Variants in HCRTR2 observed in about 807,000 individuals in gnomAD.
HCRTR2 encodes the protein hypocretin receptor 2, also known as orexin receptor type 2.
A neutral mutation model predicts 49.0 loss-of-function variants in HCRTR2; 22 were observed. The ratio of observed to expected loss-of-function variants is 0.45; its 90% CI spans 0.32 to 0.64. The LOEUF (loss-of-function observed/expected upper bound fraction) is 0.64, where lower values mean the gene tolerates loss of function less well. Ranked by LOEUF, HCRTR2 falls within the 30% of genes least tolerant of loss-of-function variation. The pLI, the probability that HCRTR2 is intolerant of heterozygous loss-of-function variation, is 0.04. For missense variants in HCRTR2, 491 were observed against 559.4 expected, an observed-to-expected ratio of 0.88 and a Z score of 1.23; for synonymous variants, 236 against 205.3, an observed-to-expected ratio of 1.15 and a Z score of -1.28.
chr6:55,128,065 T>C (rs1411381061), intron 1 of HCRTR2, among the ~76,000 whole-genome samples: 1 of 152,240 alleles, frequency 6.6e-6, no homozygotes, highest in Non-Finnish European at 1.5e-5. Flanking sequence ...GTTTTACATT[T>C]AAGTCTTTAA....
At chr6:55,196,052 A>G (rs1562003285) in intron 1 of HCRTR2, among the ~76,000 whole-genome samples, 1 of 152,362 alleles carries the variant, frequency 6.6e-6, no homozygotes, top group South Asian at 2.1e-4. Flanking sequence ...AAAATAAAAT[A>G]AAATATCAGT....
At chr6:55,245,925 G>A (rs1766434239) in intron 1 of HCRTR2, among the ~76,000 whole-genome samples, 1 of 151,964 alleles carries the variant, frequency 6.6e-6, no homozygotes. Context: ...CATTGCAGAT[G>A]TAATTTGATA....
intron 1 of HCRTR2, among the ~76,000 whole-genome samples, chr6:55,119,283 G>GTCCTT (rs1764162552): frequency 2.0e-5 from 3 of 147,746 alleles, no homozygotes; most frequent in Non-Finnish European, 4.6e-5. Flanking sequence ...AACAATTTAT[G>GTCCTT]TGGGTATATA....
At chr6:55,124,717 G>C (rs576389481) in intron 1 of HCRTR2, among the ~76,000 whole-genome samples, 1 of 152,108 alleles carries the variant, frequency 6.6e-6, no homozygotes, top group East Asian at 1.9e-4. Flanking sequence ...GGGTGTTAAA[G>C]TCTCCCACTA....
At chr6:55,231,576 A>T (rs1766115662) in intron 1 of HCRTR2, among the ~76,000 whole-genome samples, 1 of 152,118 alleles carries the variant, frequency 6.6e-6, no homozygotes, top group African/African-American at 2.4e-5. Context: ...TGCCTTTCCA[A>T]ATTAGAAGAG....
chr6:55,234,494 C>T (rs930576681), intron 1 of HCRTR2, among the ~76,000 whole-genome samples: 14 of 152,050 alleles, frequency 9.2e-5, no homozygotes, highest in Non-Finnish European at 1.8e-4. Context: ...AGATTTAAAT[C>T]AAGTTTATTA....
chr6:55,251,697 AT>A (rs1034768810), intron 2 of HCRTR2, among the ~76,000 whole-genome samples: 4 of 151,898 alleles, frequency 2.6e-5, no homozygotes, highest in African/African-American at 7.2e-5. Context: ...CAAAATTTTC[AT>A]TTCTCCTTAT....
intron 1 of HCRTR2, among the ~76,000 whole-genome samples, chr6:55,122,120 A>T (rs1477347308): frequency 1.3e-5 from 2 of 152,144 alleles, no homozygotes; most frequent in Admixed American, 6.6e-5. Context: ...GTAAGCTATT[A>T]ATTATTGCCT....
intron 1 of HCRTR2, among the ~76,000 whole-genome samples, chr6:55,227,896 G>A (rs999537963): frequency 6.6e-6 from 1 of 152,034 alleles, no homozygotes; most frequent in African/African-American, 2.4e-5. Context: ...AATAAGATAG[G>A]GTATAACAGT....
chr6:55,140,160 C>A (rs1317682375), intron 1 of HCRTR2, among the ~76,000 whole-genome samples: 1 of 148,196 alleles, frequency 6.7e-6, no homozygotes, highest in Non-Finnish European at 1.5e-5. Context: ...TTAATCTGAC[C>A]CTTTTTTTAG....
chr6:55,124,873 C>T (rs1322269143), intron 1 of HCRTR2, among the ~76,000 whole-genome samples: 1 of 149,508 alleles, frequency 6.7e-6, no homozygotes, highest in African/African-American at 2.4e-5. Flanking sequence ...CCTTCTTTGT[C>T]TCTTTTGATC....
intron 1 of HCRTR2, among the ~76,000 whole-genome samples, chr6:55,185,444 A>G (rs1381466369): frequency 3.3e-5 from 5 of 152,218 alleles, no homozygotes; most frequent in Non-Finnish European, 5.9e-5. Context: ...ATTGACAAGA[A>G]GCCAAATCAT....
At chr6:55,158,885 A>G (rs1456520043) in intron 1 of HCRTR2, among the ~76,000 whole-genome samples, 1 of 152,200 alleles carries the variant, frequency 6.6e-6, no homozygotes, top group Non-Finnish European at 1.5e-5. Context: ...CAGCTTCAGC[A>G]GACTTAAATA....
chr6:55,247,715 A>G (rs1432537323), intron 1 of HCRTR2, among the ~76,000 whole-genome samples: 4 of 152,136 alleles, frequency 2.6e-5, no homozygotes, highest in Admixed American at 6.6e-5. Context: ...TTCTTTCAGT[A>G]AAGAGCAACT....
intron 6 of HCRTR2, among the ~76,000 whole-genome samples, chr6:55,281,180 G>T (rs748506855): frequency 2.0e-5 from 3 of 152,040 alleles, no homozygotes; most frequent in Non-Finnish European, 4.4e-5. Flanking sequence ...TTATGTGGAA[G>T]AATAGAAATT....
chr6:55,157,923 T>C (rs544161448), intron 1 of HCRTR2, among the ~76,000 whole-genome samples: 69 of 152,338 alleles, frequency 4.5e-4, no homozygotes, highest in Non-Finnish European at 9.3e-4. Context: ...CAAACAAGTT[T>C]GGACTGGGAG....
intron 1 of HCRTR2, among the ~76,000 whole-genome samples, chr6:55,125,966 A>T (rs1025895604): frequency 5.3e-5 from 8 of 151,872 alleles, no homozygotes; most frequent in African/African-American, 1.2e-4. Flanking sequence ...CAGCTCCATC[A>T]TGTCGTTTAT....
At chr6:55,241,934 T>TCTCGG (rs1766342340) in intron 1 of HCRTR2, among the ~76,000 whole-genome samples, 1 of 143,132 alleles carries the variant, frequency 7.0e-6, no homozygotes, top group African/African-American at 2.6e-5. Flanking sequence ...AGTGGTGAAA[T>TCTCGG]CTCGGCTCAC....
At chr6:55,156,745 C>T (rs1295819527) in intron 1 of HCRTR2, among the ~76,000 whole-genome samples, 2 of 151,954 alleles carry the variant, frequency 1.3e-5, no homozygotes, top group African/African-American at 2.4e-5. Flanking sequence ...GTTGGCTAAA[C>T]TTAATGAAAA....
Sources: gnomAD v4.1 joint callset for allele counts (sites outside exome capture counted in the v4.1 genomes callset) on GRCh38, gnomAD v4.1.1 for gene constraint, MANE v1.5 for transcripts, NCBI Gene and HGNC (gene_info 2026-07-23, HGNC 2026-07-21) for gene names.